GRM1: variants seen among roughly 807,000 people sequenced by gnomAD.
The protein encoded by GRM1 is metabotropic glutamate receptor 1.
GRM1 carries 33 observed loss-of-function variants against 90.9 expected under a neutral mutation model. That is an observed-to-expected ratio of 0.36 (90% confidence interval 0.28 to 0.49). GRM1 has a LOEUF of 0.49. Ranked by LOEUF, GRM1 falls within the 20% of genes least tolerant of loss-of-function variation. GRM1 has a pLI of 0.99. For missense variants in GRM1, 1,190 were observed against 1,534.3 expected, an observed-to-expected ratio of 0.78 and a Z score of 3.75; for synonymous variants, 700 against 613.2, an observed-to-expected ratio of 1.14 and a Z score of -2.09.
chr6:146,388,248 G>C (rs1417970814), intron 6 of GRM1, among the ~76,000 whole-genome samples: 1 of 151,972 alleles, frequency 6.6e-6, no homozygotes, highest in Non-Finnish European at 1.5e-5. Flanking sequence ...GAGGCCTAGA[G>C]ACGTGAAGTT....
intron 7 of GRM1, among the ~76,000 whole-genome samples, chr6:146,418,753 A>T (rs1313337696): frequency 6.6e-6 from 1 of 152,094 alleles, no homozygotes; most frequent in African/African-American, 2.4e-5. Flanking sequence ...TGATTTATTC[A>T]GTCATTCATT....
chr6:146,298,073 T>C (rs1296838974), intron 2 of GRM1, among the ~76,000 whole-genome samples: 1 of 152,194 alleles, frequency 6.6e-6, no homozygotes, highest in Non-Finnish European at 1.5e-5. Context: ...CCAGGCATGA[T>C]TGCCAAGAAT....
At chr6:146,155,992 G>T (rs148206966) in intron 1 of GRM1, among the ~76,000 whole-genome samples, 202 of 152,342 alleles carry the variant, frequency 1.3e-3, no homozygotes, top group African/African-American at 4.6e-3. Flanking sequence ...GGCCAATCAG[G>T]AGCCTACGGC....
At chr6:146,118,256 C>G (rs1775841596) in intron 1 of GRM1, among the ~76,000 whole-genome samples, 1 of 150,408 alleles carries the variant, frequency 6.6e-6, no homozygotes, top group African/African-American at 2.4e-5. Flanking sequence ...TCTCCTGCCT[C>G]AGCCTCCTGA....
At chr6:146,294,993 T>TA (rs1583287555) in intron 2 of GRM1, among the ~76,000 whole-genome samples, 1 of 152,084 alleles carries the variant, frequency 6.6e-6, no homozygotes, top group African/African-American at 2.4e-5. Flanking sequence ...TGTTTTTTTT[T>TA]AACCTGTGAA....
chr6:146,276,960 T>C (rs979919636), intron 2 of GRM1, among the ~76,000 whole-genome samples: 5 of 151,910 alleles, frequency 3.3e-5, no homozygotes, highest in African/African-American at 1.2e-4. Flanking sequence ...TAATAAAAAT[T>C]AGTTGGGCAT....
At chr6:146,044,970 G>A (rs1582920672) in intron 1 of GRM1, among the ~76,000 whole-genome samples, 1 of 151,836 alleles carries the variant, frequency 6.6e-6, no homozygotes, top group African/African-American at 2.4e-5. Flanking sequence ...TCTGGGGTGG[G>A]CCTGAGCGTC....
intron 1 of GRM1, among the ~76,000 whole-genome samples, chr6:146,129,121 C>G (rs1166580863): frequency 6.6e-6 from 1 of 151,996 alleles, no homozygotes; most frequent in Non-Finnish European, 1.5e-5. Context: ...TGAAAATTTT[C>G]TTTTTAATTT....
In GRM1 at chr6:146,281,999, T is replaced by C. The variant is rs377382730; in HGVS notation, c.951-22612T>C. Reference sequence around the variant, plus strand: ...AGGAGGTTGACAGGGCAGTCAATAATTCTAAATCCAGATGAGCAGTGCACA... The same window carrying C: ...AGGAGGTTGACAGGGCAGTCAATAACTCTAAATCCAGATGAGCAGTGCACA... On this transcript the variant is annotated intron_variant, in intron 2 of 7. Coordinates refer to ENST00000282753, the MANE Select transcript of GRM1 (RefSeq NM_001278064.2). 2.6e-5 allele frequency among the ~76,000 whole-genome samples: 4 copies of C among 152,310 alleles called. No individual in the cohort carries two copies. In the South Asian group the frequency reaches 6.2e-4, roughly 24 times the overall value.
At chr6:146,106,349 C>A (rs994392619) in intron 1 of GRM1, among the ~76,000 whole-genome samples, 5 of 152,232 alleles carry the variant, frequency 3.3e-5, no homozygotes, top group Admixed American at 3.3e-4. Context: ...CCTTAAGATA[C>A]CTTTGTGGAT....
intron 3 of GRM1, among the ~76,000 whole-genome samples, chr6:146,337,029 G>A (rs1163273043): frequency 6.6e-6 from 1 of 152,072 alleles, no homozygotes; most frequent in African/African-American, 2.4e-5. Flanking sequence ...TTATTTGCCT[G>A]TCCCTCTTCC....
At chr6:146,367,590 A>T (rs184298687) in intron 5 of GRM1, among the ~76,000 whole-genome samples, 26 of 152,134 alleles carry the variant, frequency 1.7e-4, no homozygotes, top group Admixed American at 6.5e-4. Context: ...AGTAGTCCCC[A>T]GTGCCTGTTG....
At chr6:146,302,178 C>T (rs1275423382) in intron 2 of GRM1, among the ~76,000 whole-genome samples, 1 of 151,528 alleles carries the variant, frequency 6.6e-6, no homozygotes, top group East Asian at 1.9e-4. Context: ...TCCCCTTCTC[C>T]TCACCTGACT....
At chr6:146,110,024 C>T (rs1775495569) in intron 1 of GRM1, among the ~76,000 whole-genome samples, 1 of 152,286 alleles carries the variant, frequency 6.6e-6, no homozygotes, top group South Asian at 2.1e-4. Context: ...TATAGGCTCA[C>T]AGGCAGAAGG....
intron 3 of GRM1, among the ~76,000 whole-genome samples, chr6:146,335,997 C>CTT (rs573326642): frequency 5.3e-4 from 81 of 152,260 alleles, no homozygotes; most frequent in African/African-American, 1.9e-3. Context: ...TAAGATGTGC[C>CTT]TTTGCTCCTC....
intron 5 of GRM1, among the ~76,000 whole-genome samples, chr6:146,382,384 T>G (rs910250749): frequency 1.3e-5 from 2 of 150,442 alleles, no homozygotes; most frequent in Admixed American, 6.6e-5. Flanking sequence ...TGTAAAACAA[T>G]TAGAGGACAA....
At chr6:146,290,950 A>G (rs908508988) in intron 2 of GRM1, among the ~76,000 whole-genome samples, 1 of 152,184 alleles carries the variant, frequency 6.6e-6, no homozygotes, top group African/African-American at 2.4e-5. Context: ...TTTATGCAAC[A>G]GAGGGCAGAC....
chr6:146,198,323 T>C (rs1333712116), intron 2 of GRM1, among the ~76,000 whole-genome samples: 1 of 152,244 alleles, frequency 6.6e-6, no homozygotes, highest in South Asian at 2.1e-4. Context: ...GTTCAGAGAA[T>C]GAAGTGGAGA....
intron 6 of GRM1, among the ~76,000 whole-genome samples, chr6:146,391,107 T>C (rs1776701615): frequency 6.6e-6 from 1 of 152,116 alleles, no homozygotes. Context: ...TAGAGTTTTA[T>C]TTCTTAATTT....
Sources: allele counts gnomAD v4.1 joint callset (sites outside exome capture counted in the v4.1 genomes callset), GRCh38; gene constraint gnomAD v4.1.1; transcripts MANE v1.5; gene names NCBI Gene and HGNC (gene_info 2026-07-23, HGNC 2026-07-21).